FHL1: variants seen among roughly 807,000 people sequenced by gnomAD.
FHL1 encodes the protein four and a half LIM domains 1.
FHL1 carries 1 observed loss-of-function variant against 20.3 expected under a neutral mutation model. The observed-to-expected ratio is 0.05, with a 90% CI of 0.02 to 0.23. FHL1 has a LOEUF of 0.23. Ranked by LOEUF, FHL1 falls within the 10% of genes least tolerant of loss-of-function variation. The probability of loss-of-function intolerance (pLI) is 1.00; values close to 1 mark genes in which losing one functional copy is unlikely to be tolerated. For synonymous variants in FHL1, 82 were observed against 88.9 expected (o/e 0.92, Z 0.44); for missense variants, 177 against 234.0 (o/e 0.76, Z 1.59).
intron 5 of FHL1, chrX:136,209,042 G>C: frequency 2.3e-6 from 1 of 439,699 alleles, no homozygotes; most frequent in South Asian, 3.6e-5. Flanking sequence ...CTGAAGGCTA[G>C]TTCAGAGATG....
Position 136,211,017 on chromosome X carries a change from C to G in FHL1, c.*992C>G, listed in dbSNP as rs368944000. The G allele has an allele frequency of 2.7e-6, 1 of 376,163 alleles. No homozygotes were observed. The highest frequency in any genetic ancestry group is 3.0e-5 in the Admixed American group (1 of 33,736). The allele number at this position is 376,163 out of a possible 1,213,427, so 31.0% of individuals were successfully genotyped here. A position where few individuals can be genotyped will look rare whatever the true frequency, so the allele number is the denominator to read the frequency against. On this transcript the variant is annotated 3_prime_UTR_variant, in exon 6 of 6. Coordinates refer to ENST00000370683, the MANE Select transcript of FHL1 (RefSeq NM_001159699.2). ...ATTTCACAACAGTGACTAGTTGAATCCCTTGTAACGTAGTAGTTGTCTGCT... is the reference window on the plus strand; with the variant it reads ...ATTTCACAACAGTGACTAGTTGAATGCCTTGTAACGTAGTAGTTGTCTGCT...
intron 3 of FHL1, 80 bp downstream of exon 3, chrX:136,207,270 G>T (rs1185729704): frequency 9.8e-7 from 1 of 1,020,764 alleles, no homozygotes; most frequent in African/African-American, 1.9e-5. Context: ...TATCATGGTG[G>T]GGCTAACGTT....
intron 1 of FHL1, among the ~76,000 whole-genome samples, chrX:136,151,696 G>C (rs972489195): frequency 7.1e-5 from 8 of 112,113 alleles, no homozygotes; most frequent in Non-Finnish European, 1.3e-4. Flanking sequence ...CTGGGCGACA[G>C]AGTGAGACCC....
At chrX:136,183,105 A>C (rs1313923900) in intron 2 of FHL1, among the ~76,000 whole-genome samples, 5 of 101,007 alleles carry the variant, frequency 5.0e-5, no homozygotes, top group African/African-American at 1.0e-4. Context: ...AAAAAAAAAA[A>C]AAACAAAAAA....
At chrX:136,160,738 C>G (rs2072543249) in intron 1 of FHL1, among the ~76,000 whole-genome samples, 1 of 112,131 alleles carries the variant, frequency 8.9e-6, no homozygotes, top group Non-Finnish European at 1.9e-5. Flanking sequence ...ATTGTTACAT[C>G]TATTGTTAGA....
At chrX:136,208,727 C>T in intron 5 of FHL1, 86 bp downstream of exon 5, 2 of 931,119 alleles carry the variant, frequency 2.1e-6, no homozygotes, top group Admixed American at 4.4e-5. Context: ...CGGTTTCATC[C>T]ACAAAGGCCC....
chrX:136,208,764 A>G (rs1017678228), intron 5 of FHL1, 123 bp downstream of exon 5: 3 of 711,813 alleles, frequency 4.2e-6, no homozygotes, highest in Non-Finnish European at 6.6e-6. Context: ...TCCCCCTGCT[A>G]TTGTGGTCCC....
At chrX:136,190,698 A>G (rs2073413134) in intron 2 of FHL1, among the ~76,000 whole-genome samples, 1 of 111,347 alleles carries the variant, frequency 9.0e-6, no homozygotes, top group South Asian at 3.9e-4. Context: ...GGGATAACAA[A>G]CCCCCTTTAC....
intron 3 of FHL1, 193 bp from the exon 4 acceptor site, chrX:136,207,599 G>T (rs923697018): frequency 2.1e-6 from 1 of 470,774 alleles, no homozygotes; most frequent in Admixed American, 3.6e-5. Context: ...TAATGCTGGG[G>T]TCCCCACCCA....
intron 2 of FHL1, among the ~76,000 whole-genome samples, chrX:136,183,911 AT>A (rs1818148767): frequency 1.8e-5 from 2 of 111,673 alleles, no homozygotes; most frequent in Admixed American, 9.5e-5. Flanking sequence ...TAACACCTGT[AT>A]TCTTATTTCA....
intron 2 of FHL1, among the ~76,000 whole-genome samples, chrX:136,172,618 G>T (rs1330032595): frequency 1.8e-5 from 2 of 113,022 alleles, no homozygotes; most frequent in African/African-American, 6.4e-5. Context: ...GCCCTAAAAT[G>T]AAAATAAATG....
upstream of FHL1, among the ~76,000 whole-genome samples, chrX:136,166,726 A>G (rs890628060): frequency 8.9e-6 from 1 of 112,564 alleles, no homozygotes; most frequent in Admixed American, 9.4e-5. Flanking sequence ...TCAGGTTTGA[A>G]GCTTAAGGTG....
At chrX:136,194,519 G>A (rs1049468530), upstream of FHL1, among the ~76,000 whole-genome samples, 5 of 111,246 alleles carry the variant, frequency 4.5e-5, no homozygotes, top group Non-Finnish European at 7.5e-5. Context: ...AAAAGCGTCC[G>A]GATACTGCTA....
rs2072496075 is a variant in FHL1, at chrX:136,159,082, G to A, written c.-100-10825G>A. On this transcript the variant is annotated intron_variant, in intron 1 of 7. Coordinates refer to the FHL1 transcript ENST00000394155. ...GGGAAACTGGGAGATGGATGCTAAGGAGGTATACAGAAACTCAGTACTTCC... is the reference window on the plus strand; with the variant it reads ...GGGAAACTGGGAGATGGATGCTAAGAAGGTATACAGAAACTCAGTACTTCC... Among the ~76,000 whole-genome samples the A allele has an allele frequency of 2.8e-5, 3 of 107,767 alleles. No individual in the cohort carries two copies. The South Asian group carries it at 1.2e-3, about 44-fold the overall frequency. The allele number at this position is 107,767 out of a possible 115,157, so 93.6% of individuals were successfully genotyped here. A position where few individuals can be genotyped will look rare whatever the true frequency, so the allele number is the denominator to read the frequency against.
intron 4 of FHL1, among the ~76,000 whole-genome samples, 184 bp from the exon 5 acceptor site, chrX:136,208,271 T>C (rs2073903466): frequency 8.9e-6 from 1 of 112,171 alleles, no homozygotes. Flanking sequence ...GGGGCTCACC[T>C]TCTCCGAGCC....
At position 136,205,094 on chromosome X, in the gene FHL1, T is replaced by G. The variant is rs189277817; in HGVS notation, c.23-1313T>G. Among the ~76,000 whole-genome samples, 3 of 112,634 alleles carry G rather than the reference T, an allele frequency of 2.7e-5. No homozygotes were observed. The Admixed American group carries it at 2.8e-4, about 11-fold the overall frequency. ...CACAAATGAAATAATTGCTATCTAT[T>G]TACCCGTGCAAATTTCTTTTTCGGG... On this transcript the variant is annotated intron_variant, in intron 1 of 5. Coordinates refer to ENST00000370683, the MANE Select transcript of FHL1 (RefSeq NM_001159699.2).
At chrX:136,160,451 CTG>C (rs1236113802) in intron 1 of FHL1, among the ~76,000 whole-genome samples, 2 of 111,365 alleles carry the variant, frequency 1.8e-5, no homozygotes, top group African/African-American at 6.5e-5. Context: ...TTTTTTGAAA[CTG>C]TGTCTTGCTC....
In FHL1 at chrX:136,210,869, A is replaced by T. The variant is rs1165091174; in HGVS notation, c.*844A>T. 1.0e-5 allele frequency: 4 copies of T among 385,271 alleles called. No individual in the cohort carries two copies. The highest frequency in any genetic ancestry group is 5.1e-5 in the South Asian group (2 of 38,907). 31.8% of individuals were successfully genotyped at this position (385,271 alleles called of 1,213,427 possible). On this transcript the variant is annotated 3_prime_UTR_variant, in exon 6 of 6. Coordinates refer to ENST00000370683, the MANE Select transcript of FHL1 (RefSeq NM_001159699.2). ...ATAGTTTATGGGTTTGGAAACTTGC[A>T]TGAAAATATTTTAGCCCCCTCAGAT...
At chrX:136,153,362 G>C (rs1429294294) in intron 1 of FHL1, among the ~76,000 whole-genome samples, 1 of 110,416 alleles carries the variant, frequency 9.1e-6, no homozygotes, top group East Asian at 2.9e-4. Context: ...CGATTCTCAA[G>C]GGCCAGGATG....
Sources: gnomAD v4.1 joint callset for allele counts (sites outside exome capture counted in the v4.1 genomes callset) on GRCh38, gnomAD v4.1.1 for gene constraint, MANE v1.5 for transcripts, NCBI Gene and HGNC (gene_info 2026-07-23, HGNC 2026-07-21) for gene names.